SHTN1: variants seen among roughly 807,000 people sequenced by gnomAD.
SHTN1 encodes the protein shootin 1.
In SHTN1, 42 loss-of-function variants were observed where a neutral mutation model predicts 83.1. The observed-to-expected ratio is 0.51, with a 90% CI of 0.39 to 0.65. The LOEUF is 0.65. SHTN1 is among the 30% of genes least tolerant of loss of function. The pLI is 0.00. For missense variants in SHTN1, 622 were observed against 737.8 expected (o/e 0.84, Z 1.82); for synonymous variants, 224 against 247.7 (o/e 0.90, Z 0.90).
intron 1 of SHTN1, among the ~76,000 whole-genome samples, chr10:117,121,100 A>G (rs918656689): frequency 2.0e-5 from 3 of 152,214 alleles, no homozygotes; most frequent in Non-Finnish European, 4.4e-5. Flanking sequence ...ATGAATGACC[A>G]TGCCCATTTA....
At chr10:116,985,991 TGAAAA>T (rs1443729065) in intron 1 of SHTN1, among the ~76,000 whole-genome samples, 6 of 152,310 alleles carry the variant, frequency 3.9e-5, no homozygotes, top group Non-Finnish European at 7.4e-5. Context: ...TTTCATATCC[TGAAAA>T]GAAATTACGG....
intron 7 of SHTN1, among the ~76,000 whole-genome samples, chr10:116,948,292 TC>T (rs916061959): frequency 4.6e-5 from 7 of 152,274 alleles, no homozygotes; most frequent in Admixed American, 1.3e-4. Context: ...TGGAGACACT[TC>T]CCTCTCACCA....
chr10:117,064,960 G>C (rs1411986216), intron 1 of SHTN1, among the ~76,000 whole-genome samples: 1 of 152,188 alleles, frequency 6.6e-6, no homozygotes, highest in Non-Finnish European at 1.5e-5. Flanking sequence ...ACCTCTCCCA[G>C]AGCTTGCTTC....
rs960920561 is a variant in SHTN1 at position 116,901,241 on chromosome 10, T to TA, written c.1673+523_1673+524insT. ...ACATTCAATAGCAGGATTAACTCTT[T>TA]GACAATCAAAGTGCCACTCTGAAGC... On this transcript the variant is annotated intron_variant, in intron 16 of 16. Coordinates refer to ENST00000355371, the MANE Select transcript of SHTN1 (RefSeq NM_001127211.3). 33 of 985,204 alleles carry TA rather than the reference T, an allele frequency of 3.3e-5. No homozygotes were observed. The African/African-American group carries it at 5.8e-4, about 17-fold the overall frequency. 61.0% of individuals were successfully genotyped at this position (985,204 alleles called of 1,614,324 possible).
chr10:116,954,227 A>G lies in SHTN1; in HGVS notation c.268-17T>C. The stretch of plus-strand genomic sequence containing the variant: ...TTTATTTAGCTAAGACAAAATATAA[A>G]AACAGTTATTTTAAAAGCAGCCAAA... On this transcript the variant is annotated splice_polypyrimidine_tract_variant and intron_variant, in intron 4 of 16. Transcript: ENST00000355371. 3 of 1,545,850 alleles carry G rather than the reference A, an allele frequency of 1.9e-6. No homozygotes were observed. The highest frequency in any genetic ancestry group is 2.6e-6 in the Non-Finnish European group (3 of 1,139,484).
chr10:117,046,838 C>T (rs1391838618), intron 2 of SHTN1, among the ~76,000 whole-genome samples: 1 of 151,884 alleles, frequency 6.6e-6, no homozygotes, highest in South Asian at 2.1e-4. Flanking sequence ...TTGCCAGGAG[C>T]TGGGGAAAAG....
In SHTN1 at chr10:116,998,098, A is replaced by G. The variant is rs142045716; in HGVS notation, c.58+6924T>C. ...CAGAGCGAGACTCTGTCTCAAAAAAAAAGAATCAGGGAGTTAAGATACACC... is the reference window on the plus strand; with the variant it reads ...CAGAGCGAGACTCTGTCTCAAAAAAGAAGAATCAGGGAGTTAAGATACACC... On this transcript the variant is annotated intron_variant, in intron 1 of 16. Transcript: ENST00000355371. 6.0e-3 allele frequency among the ~76,000 whole-genome samples: 911 copies of G among 152,290 alleles called. 4 individuals are homozygous for G. The highest frequency in any genetic ancestry group is 9.5e-3 in the South Asian group (46 of 4,830).
At chr10:117,102,466 G>A (rs61873044) in intron 1 of SHTN1, among the ~76,000 whole-genome samples, 10 of 152,134 alleles carry the variant, frequency 6.6e-5, no homozygotes, top group African/African-American at 1.7e-4. Context: ...TGGGCTGCCA[G>A]TGAAAAGCCC....
At chr10:116,886,599 A>G (rs773050256) in intron 16 of SHTN1, 33 bp from the exon 17 acceptor site, 60 of 1,610,166 alleles carry the variant, frequency 3.7e-5, no homozygotes, top group Non-Finnish European at 5.0e-5. Flanking sequence ...AAAAAAGTAA[A>G]AAGCAGAGAG....
intron 2 of SHTN1, among the ~76,000 whole-genome samples, chr10:117,039,963 G>A (rs1045085039): frequency 9.9e-5 from 15 of 151,840 alleles, no homozygotes; most frequent in Non-Finnish European, 2.1e-4. Flanking sequence ...ATCTAAAACT[G>A]CTCTGAAAAA....
At chr10:116,976,394 T>C (rs972179596) in intron 2 of SHTN1, among the ~76,000 whole-genome samples, 3 of 152,206 alleles carry the variant, frequency 2.0e-5, no homozygotes, top group Non-Finnish European at 2.9e-5. Flanking sequence ...GGGACAAAGA[T>C]AGTAGACATG....
chr10:117,083,822 T>A (rs1853308619), intron 1 of SHTN1, among the ~76,000 whole-genome samples: 1 of 152,176 alleles, frequency 6.6e-6, no homozygotes, highest in African/African-American at 2.4e-5. Flanking sequence ...TACCCTTTCT[T>A]CCAGTTGATC....
intron 14 of SHTN1, among the ~76,000 whole-genome samples, chr10:116,909,764 G>A (rs2159267): frequency 2.6e-5 from 4 of 152,164 alleles, no homozygotes; most frequent in Non-Finnish European, 4.4e-5. Context: ...TAACTTAGCA[G>A]AAGGCCAAAT....
chr10:117,085,770 A>G (rs1458321982), intron 1 of SHTN1, among the ~76,000 whole-genome samples: 1 of 152,140 alleles, frequency 6.6e-6, no homozygotes, highest in Non-Finnish European at 1.5e-5. Context: ...CAGTTCTCTC[A>G]GTTTTTGCCT....
At chr10:117,103,734 C>T (rs1853634127) in intron 1 of SHTN1, among the ~76,000 whole-genome samples, 2 of 150,884 alleles carry the variant, frequency 1.3e-5, no homozygotes, top group African/African-American at 4.8e-5. Flanking sequence ...GATGGGGTTT[C>T]ACTGTGTTAG....
At chr10:117,023,617 A>G (rs1055895770) in intron 2 of SHTN1, 4 of 152,574 alleles carry the variant, frequency 2.6e-5, no homozygotes, top group African/African-American at 9.7e-5. Flanking sequence ...ACTTTGGGAA[A>G]TTTTTGCCGT....
At chr10:117,035,481 A>C (rs918890554) in intron 2 of SHTN1, among the ~76,000 whole-genome samples, 4 of 152,116 alleles carry the variant, frequency 2.6e-5, no homozygotes, top group African/African-American at 9.7e-5. Flanking sequence ...CAAATAAACA[A>C]ATGGAATCAC....
chr10:117,118,230 A>G (rs1564964644), intron 1 of SHTN1, among the ~76,000 whole-genome samples: 2 of 152,276 alleles, frequency 1.3e-5, no homozygotes, highest in Non-Finnish European at 2.9e-5. Context: ...ATCCAATTAA[A>G]AAAGGGCAAA....
intron 16 of SHTN1, among the ~76,000 whole-genome samples, chr10:116,899,551 GA>G (rs1847654917): frequency 2.9e-5 from 1 of 34,736 alleles, no homozygotes; most frequent in African/African-American, 4.4e-5. Context: ...GTGTGTGAGA[GA>G]GTGCATGCAT....
Sources: allele counts gnomAD v4.1 joint callset (sites outside exome capture counted in the v4.1 genomes callset), GRCh38; gene constraint gnomAD v4.1.1; transcripts MANE v1.5; gene names NCBI Gene and HGNC (gene_info 2026-07-23, HGNC 2026-07-21).